The following GBF1 variants were observed in gnomAD, a reference collection of about 807,000 sequenced individuals.
GBF1 encodes the protein Golgi-specific brefeldin A-resistance guanine nucleotide exchange factor 1.
GBF1 carries 114 observed loss-of-function variants against 210.5 expected under a neutral mutation model. The ratio of observed to expected loss-of-function variants is 0.54; its 90% CI spans 0.47 to 0.63. The LOEUF (loss-of-function observed/expected upper bound fraction) is 0.63, where lower values mean the gene tolerates loss of function less well. Among genes scored for constraint, GBF1 ranks in the 30% least tolerant of loss-of-function variants. The probability of loss-of-function intolerance (pLI) is 0.00; values close to 1 mark genes in which losing one functional copy is unlikely to be tolerated. For synonymous variants in GBF1, 850 were observed against 889.2 expected (o/e 0.96, Z 0.78); for missense variants, 1,851 against 2,357.7 (o/e 0.79, Z 4.45).
intron 3 of GBF1, among the ~76,000 whole-genome samples, chr10:102,333,994 A>G (rs1014995141): frequency 6.6e-6 from 1 of 152,182 alleles, no homozygotes; most frequent in Admixed American, 6.5e-5. Context: ...TAGAGGGGTA[A>G]ATGAACTAAT....
At chr10:102,359,624 A>G (rs1482790037) in intron 11 of GBF1, among the ~76,000 whole-genome samples, 189 bp downstream of exon 11, 1 of 152,032 alleles carries the variant, frequency 6.6e-6, no homozygotes, top group Non-Finnish European at 1.5e-5. Flanking sequence ...CCTAACTTAT[A>G]CTACAGGGAG....
At chr10:102,271,098 C>T (rs1008172928) in intron 3 of GBF1, among the ~76,000 whole-genome samples, 12 of 151,812 alleles carry the variant, frequency 7.9e-5, no homozygotes, top group African/African-American at 2.4e-4. Flanking sequence ...ACTGCAGTGG[C>T]GCTATCTCAG....
chr10:102,348,173 G>A (rs2058704391), intron 4 of GBF1, among the ~76,000 whole-genome samples: 1 of 152,116 alleles, frequency 6.6e-6, no homozygotes, highest in Non-Finnish European at 1.5e-5. Flanking sequence ...CTGAGCTCCG[G>A]CAATCTGCCC....
Position 102,362,682 on chromosome 10 carries a change from C to A in GBF1, c.1876+18C>A, listed in dbSNP as rs116070455. 6.4e-4 allele frequency: 1,021 copies of A among 1,588,724 alleles called. 3 individuals are homozygous for A. In the African/African-American group the frequency reaches 6.6e-3, roughly 10 times the overall value. On this transcript the variant is annotated intron_variant, in intron 15 of 39. Transcript: ENST00000369983. ...TAGCAATAGTGAGAGGCATTTCTTTCTTTGATGAACCCAGTGTTCTATGCT... is the reference window on the plus strand; with the variant it reads ...TAGCAATAGTGAGAGGCATTTCTTTATTTGATGAACCCAGTGTTCTATGCT...
intron 1 of GBF1, among the ~76,000 whole-genome samples, chr10:102,255,988 C>T (rs531519328): frequency 5.3e-5 from 8 of 152,330 alleles, no homozygotes; most frequent in South Asian, 4.1e-4. Context: ...CTCTGTTGCC[C>T]AGGCTTGAGT....
At chr10:102,259,993 T>C (rs2072977821) in intron 2 of GBF1, 57 bp from the exon 3 acceptor site, 1 of 931,150 alleles carries the variant, frequency 1.1e-6, no homozygotes, top group African/African-American at 1.6e-5. Flanking sequence ...CTGTCCTTTA[T>C]TTTCCTTTTC....
intron 3 of GBF1, among the ~76,000 whole-genome samples, chr10:102,294,001 A>G (rs1382169988): frequency 6.6e-6 from 1 of 151,686 alleles, no homozygotes; most frequent in Non-Finnish European, 1.5e-5. Flanking sequence ...GATGGTCTCG[A>G]TCTCCTGACC....
At chr10:102,362,778 G>A in intron 15 of GBF1, 114 bp downstream of exon 15, 2 of 747,552 alleles carry the variant, frequency 2.7e-6, no homozygotes, top group Non-Finnish European at 4.4e-6. Context: ...TCCCAATTCT[G>A]TTTCTGGGCT....
At chr10:102,242,928 C>CAAAAAAAAAAAAAAAAAAAAA (rs58301527), upstream of GBF1, among the ~76,000 whole-genome samples, 60 of 132,400 alleles carry the variant, frequency 4.5e-4, no homozygotes, top group African/African-American at 1.7e-3. Flanking sequence ...GACTCTGTCT[C>CAAAAAAAAAAAAAAAAAAAAA]AAAAAAAAAA....
intron 1 of GBF1, among the ~76,000 whole-genome samples, chr10:102,251,396 C>T (rs1450695147): frequency 1.3e-5 from 2 of 151,930 alleles, no homozygotes; most frequent in Non-Finnish European, 2.9e-5. Context: ...ATTTGTTCAT[C>T]TAGTATTTAT....
chr10:102,325,532 C>G (rs2056822071), intron 3 of GBF1, among the ~76,000 whole-genome samples: 1 of 126,586 alleles, frequency 7.9e-6, no homozygotes, highest in Non-Finnish European at 1.6e-5. Flanking sequence ...GCCTGAGCGA[C>G]AGAGCAAGAC....
rs539053933 is a variant in GBF1 at position 102,360,331 on chromosome 10, C to T, written c.1328C>T (p.Pro443Leu). The T allele has an allele frequency of 6.2e-7, 1 of 1,613,914 alleles. No individual in the cohort carries two copies. Among genetic ancestry groups the T allele is most frequent in the Non-Finnish European group, 8.5e-7 (1 of 1,179,772 alleles). ...CTGACAGTGGCCCTTGAGTCAGCCC[C>T]TGTAGCCCAGTGCCAGACCCTCTTG... ...HLLTVALESA[P>L]VAQCQTLLGL... The change falls in exon 12 of 40, where the codon CCT becomes CTT. Residue 443 changes from proline to leucine, a missense_variant. By Grantham distance (98) the Pro-to-Leu change is moderately conservative. Coordinates refer to ENST00000369983, the MANE Select transcript of GBF1 (RefSeq NM_001377137.1).
chr10:102,317,302 A>G lies in GBF1; in HGVS notation c.164-26749A>G, dbSNP rs367646509. On this transcript the variant is annotated intron_variant, in intron 3 of 39. Coordinates refer to ENST00000369983, the MANE Select transcript of GBF1 (RefSeq NM_001377137.1). The stretch of plus-strand genomic sequence containing the variant: ...ATAGCCCATGTCTACATAGACTATT[A>G]TATAAATTTAGGAAGATACAAAAAA... Among the ~76,000 whole-genome samples, 9 of 152,304 alleles carry G rather than the reference A, an allele frequency of 5.9e-5. No individual in the cohort carries two copies. The East Asian group carries it at 1.5e-3, about 26-fold the overall frequency.
intron 3 of GBF1, among the ~76,000 whole-genome samples, chr10:102,292,642 G>C (rs1214699918): frequency 1.3e-5 from 2 of 151,948 alleles, no homozygotes; most frequent in African/African-American, 4.8e-5. Flanking sequence ...TGCTGGGATT[G>C]CAGGCATGAG....
chr10:102,253,962 C>G (rs1267912242), intron 1 of GBF1, among the ~76,000 whole-genome samples: 1 of 152,112 alleles, frequency 6.6e-6, no homozygotes, highest in Non-Finnish European at 1.5e-5. Context: ...CTGTGAAACA[C>G]CTATTCATCT....
At chr10:102,334,574 C>T (rs1278186058) in intron 3 of GBF1, among the ~76,000 whole-genome samples, 1 of 152,154 alleles carries the variant, frequency 6.6e-6, no homozygotes, top group Admixed American at 6.5e-5. Flanking sequence ...TTCAGCTGGG[C>T]GCAGTGGTTC....
chr10:102,372,554 G>A (rs2060270801), intron 29 of GBF1, among the ~76,000 whole-genome samples: 1 of 152,190 alleles, frequency 6.6e-6, no homozygotes, highest in Non-Finnish European at 1.5e-5. Context: ...AGATTATGTG[G>A]TGTCGATGGA....
intron 3 of GBF1, among the ~76,000 whole-genome samples, chr10:102,260,966 T>A (rs1005401949): frequency 6.6e-6 from 1 of 152,136 alleles, no homozygotes; most frequent in Non-Finnish European, 1.5e-5. Context: ...TATTCATATG[T>A]TTAGAATTTT....
At chr10:102,294,127 TAAAA>T (rs1271042275) in intron 3 of GBF1, among the ~76,000 whole-genome samples, 1 of 151,944 alleles carries the variant, frequency 6.6e-6, no homozygotes, top group African/African-American at 2.4e-5. Context: ...TCCAAAAGCT[TAAAA>T]AAATTTAAAA....
Sources: allele counts gnomAD v4.1 joint callset (sites outside exome capture counted in the v4.1 genomes callset), GRCh38; gene constraint gnomAD v4.1.1; transcripts MANE v1.5; gene names NCBI Gene and HGNC (gene_info 2026-07-23, HGNC 2026-07-21).